The following CSMD1 variants were observed in gnomAD, a reference collection of about 807,000 sequenced individuals.
CSMD1 encodes CUB and sushi domain-containing protein 1.
Under a neutral mutation model 417.5 loss-of-function variants are expected in CSMD1, and 213 were observed. The observed-to-expected ratio is 0.51, with a 90% CI of 0.46 to 0.57. The LOEUF (loss-of-function observed/expected upper bound fraction) is 0.57. Ranked by LOEUF, CSMD1 falls within the 20% of genes least tolerant of loss-of-function variation. CSMD1 has a pLI of 0.00. For synonymous variants in CSMD1, 2,862 were observed against 1,736.8 expected, an observed-to-expected ratio of 1.65 and a Z score of -16.11; for missense variants, 6,923 against 4,529.7, an observed-to-expected ratio of 1.53 and a Z score of -15.17.
chr8:3,648,796 C>T (rs973783117), intron 7 of CSMD1, among the ~76,000 whole-genome samples: 3 of 151,362 alleles, frequency 2.0e-5, no homozygotes, highest in South Asian at 2.1e-4. Context: ...CCTATCTTTA[C>T]GCGGCACCCC....
intron 26 of CSMD1, among the ~76,000 whole-genome samples, chr8:3,280,908 T>C (rs1488036935): frequency 6.6e-6 from 1 of 152,038 alleles, no homozygotes; most frequent in Non-Finnish European, 1.5e-5. Context: ...CATGAATATA[T>C]AGAAAAAAAA....
intron 17 of CSMD1, among the ~76,000 whole-genome samples, chr8:3,394,024 A>T (rs1300130709): frequency 0.069 from 3,700 of 53,992 alleles, 303 homozygotes; most frequent in African/African-American, 0.18. Flanking sequence ...ATATATATAT[A>T]TATATATATA....
At chr8:4,142,620 C>G (rs1803858509) in intron 3 of CSMD1, among the ~76,000 whole-genome samples, 1 of 150,988 alleles carries the variant, frequency 6.6e-6, no homozygotes, top group Non-Finnish European at 1.5e-5. Context: ...AGCACTGGCT[C>G]TGTATTTAAT....
At chr8:4,116,084 C>T (rs545195943) in intron 3 of CSMD1, among the ~76,000 whole-genome samples, 12 of 151,852 alleles carry the variant, frequency 7.9e-5, no homozygotes, top group East Asian at 1.9e-4. Flanking sequence ...CTGCAACCTC[C>T]GCCTCCTGGG....
chr8:4,679,550 G>A (rs1407038135), intron 1 of CSMD1, among the ~76,000 whole-genome samples: 1 of 152,136 alleles, frequency 6.6e-6, no homozygotes, highest in Non-Finnish European at 1.5e-5. Flanking sequence ...AATTTGAGGA[G>A]CACAGATAAT....
At chr8:4,867,798 A>C (rs191750535) in intron 1 of CSMD1, among the ~76,000 whole-genome samples, 1 of 152,198 alleles carries the variant, frequency 6.6e-6, no homozygotes, top group African/African-American at 2.4e-5. Flanking sequence ...CCTCTAATAA[A>C]TACATTCATT....
chr8:3,798,180 T>G (rs1800265454), intron 5 of CSMD1, among the ~76,000 whole-genome samples: 1 of 152,010 alleles, frequency 6.6e-6, no homozygotes, highest in Admixed American at 6.6e-5. Flanking sequence ...ATAAAACAAT[T>G]TTTAACATTT....
At chr8:3,809,291 A>G (rs555890615) in intron 5 of CSMD1, among the ~76,000 whole-genome samples, 5 of 152,254 alleles carry the variant, frequency 3.3e-5, no homozygotes, top group African/African-American at 1.2e-4. Flanking sequence ...ATCACAACAC[A>G]ATGCACCTTT....
chr8:3,533,137 G>A (rs1267758558), intron 10 of CSMD1, among the ~76,000 whole-genome samples: 1 of 152,096 alleles, frequency 6.6e-6, no homozygotes, highest in Admixed American at 6.5e-5. Context: ...ACTTATTTTT[G>A]CAGAGGAAGA....
chr8:3,720,009 G>A (rs909250714), intron 6 of CSMD1, among the ~76,000 whole-genome samples: 1 of 152,164 alleles, frequency 6.6e-6, no homozygotes, highest in Admixed American at 6.5e-5. Context: ...ATGGCAAATA[G>A]AAGCACCTAG....
intron 7 of CSMD1, among the ~76,000 whole-genome samples, chr8:3,655,273 G>A (rs753470802): frequency 1.1e-4 from 17 of 152,144 alleles, no homozygotes; most frequent in Non-Finnish European, 1.8e-4. Context: ...TAAGACCCAT[G>A]AACATGAAGG....
intron 10 of CSMD1, among the ~76,000 whole-genome samples, chr8:3,567,109 G>T (rs1799746982): frequency 6.6e-6 from 1 of 152,150 alleles, no homozygotes; most frequent in South Asian, 2.1e-4. Flanking sequence ...AAAAGAATGA[G>T]ATTTTGTCCT....
At chr8:4,037,049 G>A (rs1043601152) in intron 3 of CSMD1, among the ~76,000 whole-genome samples, 15 of 151,732 alleles carry the variant, frequency 9.9e-5, no homozygotes, top group Admixed American at 6.6e-4. Flanking sequence ...CCTGGCACCC[G>A]GAGCTGCTGA....
chr8:3,816,080 G>A (rs780274661), intron 5 of CSMD1, among the ~76,000 whole-genome samples: 4 of 152,154 alleles, frequency 2.6e-5, no homozygotes, highest in Non-Finnish European at 5.9e-5. Flanking sequence ...TTGCCTTCCT[G>A]ACAAACCTGC....
At chr8:3,645,986 A>T (rs1379358191) in intron 7 of CSMD1, among the ~76,000 whole-genome samples, 1 of 152,076 alleles carries the variant, frequency 6.6e-6, no homozygotes, top group East Asian at 1.9e-4. Flanking sequence ...ACTAGCTATA[A>T]TTGTATTTAT....
intron 39 of CSMD1, among the ~76,000 whole-genome samples, chr8:3,154,092 G>C (rs752904863): frequency 6.6e-6 from 1 of 152,086 alleles, no homozygotes; most frequent in African/African-American, 2.4e-5. Flanking sequence ...TCAGCCTCCC[G>C]AGTAGCTGGG....
At chr8:3,869,623 C>G (rs1006519521) in intron 5 of CSMD1, among the ~76,000 whole-genome samples, 5 of 152,086 alleles carry the variant, frequency 3.3e-5, no homozygotes, top group Admixed American at 3.3e-4. Context: ...ACTTTCTCAC[C>G]GCTGAGCTAA....
chr8:3,818,290 T>A (rs909066873), intron 5 of CSMD1, among the ~76,000 whole-genome samples: 6 of 151,880 alleles, frequency 4.0e-5, no homozygotes, highest in Non-Finnish European at 7.4e-5. Flanking sequence ...AGCCACAGGG[T>A]GTAGTGGGAG....
intron 3 of CSMD1, among the ~76,000 whole-genome samples, chr8:4,144,825 C>T (rs2131029885): frequency 6.6e-6 from 1 of 151,032 alleles, no homozygotes; most frequent in East Asian, 1.9e-4. Context: ...GCAACATTCG[C>T]AATCATTCAC....
Sources: allele counts gnomAD v4.1 joint callset (sites outside exome capture counted in the v4.1 genomes callset), GRCh38; gene constraint gnomAD v4.1.1; transcripts MANE v1.5; gene names NCBI Gene and HGNC (gene_info 2026-07-23, HGNC 2026-07-21).